Variants in PHF1 observed in about 807,000 individuals in gnomAD.
PHF1 encodes the protein PHD finger protein 1.
A neutral mutation model predicts 69.4 loss-of-function variants in PHF1; 16 were observed. The ratio of observed to expected loss-of-function variants is 0.23; its 90% CI spans 0.16 to 0.35. PHF1 has a LOEUF of 0.35. Ranked by LOEUF, PHF1 falls within the 10% of genes least tolerant of loss-of-function variation. The probability of loss-of-function intolerance (pLI) is 1.00; values close to 1 mark genes in which losing one functional copy is unlikely to be tolerated. For missense variants in PHF1, 515 were observed against 732.8 expected (o/e 0.70, Z 3.43); for synonymous variants, 274 against 275.0 (o/e 1.00, Z 0.04).
chr6:33,413,339 T>A, intron 5 of PHF1, 43 bp downstream of exon 5: 1 of 1,610,800 alleles, frequency 6.2e-7, no homozygotes, highest in South Asian at 1.1e-5. Flanking sequence ...GAGCCTCCCA[T>A]CCACAGCCTC....
chr6:33,411,311 G>C (rs892625226), intron 1 of PHF1, 96 bp downstream of exon 1: 16 of 152,216 alleles, frequency 1.1e-4, no homozygotes, highest in African/African-American at 3.9e-4. Flanking sequence ...CCTCGGGTCC[G>C]GGCTGGGCCG....
chr6:33,416,161 A>T lies in PHF1; in HGVS notation c.*63A>T. 1 of 1,368,006 alleles carries T rather than the reference A, an allele frequency of 7.3e-7. No homozygotes were observed. The highest frequency in any genetic ancestry group is 9.8e-7 in the Non-Finnish European group (1 of 1,018,102). 84.7% of individuals were successfully genotyped at this position (1,368,006 alleles called of 1,614,324 possible). A position where few individuals can be genotyped will look rare whatever the true frequency, so the allele number is the denominator to read the frequency against. Reference sequence around the variant, plus strand: ...CGGCACTTTCATACCCTGACCTCTGACCTCACCTACAGCTGGGATGTACCT... The same window carrying T: ...CGGCACTTTCATACCCTGACCTCTGTCCTCACCTACAGCTGGGATGTACCT... On this transcript the variant is annotated 3_prime_UTR_variant, in exon 15 of 15. Transcript: ENST00000374516.
In PHF1 at chr6:33,416,105, TGCCTCTGCCCA is replaced by T. The variant is rs749240796; in HGVS notation, c.*10_*20del. ...AGGAGGGGGCATCTTCTGAACAGCC[TGCCTCTGCCCA>T]GCTCCCCATTCACACACACCGGCAC... On this transcript the variant is annotated 3_prime_UTR_variant, in exon 15 of 15. Coordinates refer to ENST00000374516, the MANE Select transcript of PHF1 (RefSeq NM_024165.3). 9 of 1,527,526 alleles carry T rather than the reference TGCCTCTGCCCA, an allele frequency of 5.9e-6. No homozygotes were observed. Among genetic ancestry groups the T allele is most frequent in the Non-Finnish European group, 5.3e-6 (6 of 1,138,822 alleles). The allele number at this position is 1,527,526 out of a possible 1,614,324, so 94.6% of individuals were successfully genotyped here.
rs532869059 is a variant in PHF1, at chr6:33,412,052, C to T, written c.-16-196C>T. 6.6e-6 allele frequency among the ~76,000 whole-genome samples: 1 copy of T among 151,974 alleles called. No individual in the cohort carries two copies. The highest frequency in any genetic ancestry group is 1.9e-4 in the East Asian group (1 of 5,166). On this transcript the variant is annotated intron_variant, in intron 1 of 14. Coordinates refer to ENST00000374516, the MANE Select transcript of PHF1 (RefSeq NM_024165.3). The surrounding 1 kb of genome is among the most constrained non-coding windows in gnomAD (Gnocchi z 4.2). ...TGGCATGCGCCTGTAATCCCACCTA[C>T]TTGGGAGACTGAGGCAGGAGAATTG...
chr6:33,414,698 C>T lies in PHF1; in HGVS notation c.945-27C>T. 6.3e-7 allele frequency: 1 copy of T among 1,586,676 alleles called. No individual in the cohort carries two copies. On this transcript the variant is annotated intron_variant, in intron 10 of 14. Coordinates refer to ENST00000374516, the MANE Select transcript of PHF1 (RefSeq NM_024165.3). This position sits in a 1 kb window ranked among gnomAD's most constrained non-coding sequence, Gnocchi z 5.0. ...AGGAACCGTTTTTTACAGCACTGAC[C>T]CTATATCATTTCTCTTCTTGCCCCA...
Position 33,411,122 on chromosome 6 carries a change from C to G in PHF1, c.-110C>G, listed in dbSNP as rs1341038017. The G allele has an allele frequency of 6.6e-6, 1 of 152,158 alleles. No homozygotes were observed. The allele number at this position is 152,158 out of a possible 1,614,324, so 9.4% of individuals were successfully genotyped here. On this transcript the variant is annotated 5_prime_UTR_variant, in exon 1 of 15. Transcript: ENST00000374516. Reference sequence around the variant, plus strand: ...CCCCCCGGCCTCCGCCTGCACGCCCCCCCACGCCCGGACGTGCCCTCTCCG... The same window carrying G: ...CCCCCCGGCCTCCGCCTGCACGCCCGCCCACGCCCGGACGTGCCCTCTCCG...
In PHF1 at chr6:33,414,301, TTTGA is replaced by T; in HGVS notation, c.814_817del (p.Asp272LeufsTer104). On this transcript the variant is annotated frameshift_variant, in exon 9 of 15. Transcript: ENST00000374516. LOFTEE classifies it high-confidence loss of function. This position sits in a 1 kb window ranked among gnomAD's most constrained non-coding sequence, Gnocchi z 5.0. ...CAGTGTTTGCTGTAAGAAGAAATAC[TTTGA>T]TTTTGATCGTGAGATCCTCCCCTTC... is the stretch of plus-strand genomic sequence containing the variant. 1 of 1,614,186 alleles carries T rather than the reference TTTGA, an allele frequency of 6.2e-7. No individual in the cohort carries two copies. Among genetic ancestry groups the T allele is most frequent in the Non-Finnish European group, 8.5e-7 (1 of 1,180,040 alleles).
rs1341629544 is a variant in PHF1 at position 33,412,321 on chromosome 6, TCTC to T, written c.61_63del (p.Pro21del). 2.5e-6 allele frequency: 4 copies of T among 1,614,192 alleles called. No homozygotes were observed. The highest frequency in any genetic ancestry group is 1.3e-5 in the African/African-American group (1 of 75,054). The stretch of plus-strand genomic sequence containing the variant: ...TGCCTCCTCACTTTGGGACCCAGCT[TCTC>T]CTGCTCCCACCTCTGGCCCCAGGCC... On this transcript the variant is annotated inframe_deletion, in exon 2 of 15. Coordinates refer to ENST00000374516, the MANE Select transcript of PHF1 (RefSeq NM_024165.3). The surrounding 1 kb of genome is among the most constrained non-coding windows in gnomAD (Gnocchi z 4.2).
In PHF1 at chr6:33,414,446, C is replaced by T. The variant is rs762806808; in HGVS notation, c.877-31C>T. On this transcript the variant is annotated intron_variant, in intron 9 of 14. Coordinates refer to ENST00000374516, the MANE Select transcript of PHF1 (RefSeq NM_024165.3). The surrounding 1 kb of genome is among the most constrained non-coding windows in gnomAD (Gnocchi z 5.0). Reference sequence around the variant, plus strand: ...AGGGGAAGAGAAGAAATCACTGCTCCCCTGGCCCCATTTTTCTTCATTTCT... The same window carrying T: ...AGGGGAAGAGAAGAAATCACTGCTCTCCTGGCCCCATTTTTCTTCATTTCT... 9 of 1,613,490 alleles carry T rather than the reference C, an allele frequency of 5.6e-6. No homozygotes were observed. The East Asian group carries it at 1.6e-4, about 28-fold the overall frequency.
intron 1 of PHF1, among the ~76,000 whole-genome samples, 151 bp downstream of exon 1, chr6:33,411,366 G>A (rs1363020744): frequency 6.6e-6 from 1 of 152,024 alleles, no homozygotes; most frequent in African/African-American, 2.4e-5. Context: ...AGTAGAGACC[G>A]GGACTGGGAC....
rs765997615 is a variant in PHF1 at position 33,414,854 on chromosome 6, G to A, written c.1049+25G>A. On this transcript the variant is annotated intron_variant, in intron 11 of 14. Transcript: ENST00000374516. This position sits in a 1 kb window ranked among gnomAD's most constrained non-coding sequence, Gnocchi z 5.0. ...GGTCACTGGTCCAGGGGGGATGGGG[G>A]AAATTCTCAGGGTGTTAGTCCTGGG... 1.3e-5 allele frequency: 21 copies of A among 1,597,614 alleles called. No homozygotes were observed. In the Middle Eastern group the frequency reaches 6.7e-4, roughly 51 times the overall value.
At position 33,414,791 on chromosome 6, in the gene PHF1, C is replaced by T; in HGVS notation, c.1011C>T (p.Pro337=). The T allele has an allele frequency of 6.2e-7, 1 of 1,613,894 alleles. No homozygotes were observed. Among genetic ancestry groups the T allele is most frequent in the Non-Finnish European group, 8.5e-7 (1 of 1,179,900 alleles). ...TTGGTCTCCATGCTCGGATGCCTCC[C>T]CCTGTGGAGCCCCCTACTGGAGATG... ...CLFGLHARMP[P]PVEPPTGDGA... The change falls in exon 11 of 15, where the codon CCC becomes CCT. Residue 337 remains proline (P), a synonymous_variant. Transcript: ENST00000374516. The surrounding 1 kb of genome is among the most constrained non-coding windows in gnomAD (Gnocchi z 5.0).
At chr6:33,413,952 C>T (rs1233904170) in intron 7 of PHF1, 89 bp from the exon 8 acceptor site, 4 of 1,561,754 alleles carry the variant, frequency 2.6e-6, no homozygotes, top group Non-Finnish European at 3.5e-6. Context: ...GTTACCTCAC[C>T]TGTTTGCCCC....
Position 33,413,403 on chromosome 6 carries a change from C to T in PHF1, c.439-6C>T, listed in dbSNP as rs201089147. On this transcript the variant is annotated splice_region_variant and splice_polypyrimidine_tract_variant and intron_variant, in intron 5 of 14. Transcript: ENST00000374516. ...CTGAAGCCACCCACCTGTCCTGTCTCTGCAGAGGGGAGGTGCCCTGAAGAA... is the reference window on the plus strand; with the variant it reads ...CTGAAGCCACCCACCTGTCCTGTCTTTGCAGAGGGGAGGTGCCCTGAAGAA... The T allele has an allele frequency of 1.2e-6, 2 of 1,614,028 alleles. No homozygotes were observed. Among genetic ancestry groups the T allele is most frequent in the East Asian group, 2.2e-5 (1 of 44,896 alleles).
At chr6:33,413,710 G>A in intron 6 of PHF1, 26 bp from the exon 7 acceptor site, 1 of 1,608,786 alleles carries the variant, frequency 6.2e-7, no homozygotes, top group Non-Finnish European at 8.5e-7. Flanking sequence ...GTTTCTGGAG[G>A]CCAGAAGTCC....
At chr6:33,415,185 T>C in intron 12 of PHF1, 41 bp downstream of exon 12, 1 of 1,613,094 alleles carries the variant, frequency 6.2e-7, no homozygotes, top group South Asian at 1.1e-5. Context: ...AATGGTGGGG[T>C]GTGGGAAGGA....
chr6:33,416,029 T>A lies in PHF1; in HGVS notation c.1635T>A (p.Leu545=). 1 of 1,611,986 alleles carries A rather than the reference T, an allele frequency of 6.2e-7. No homozygotes were observed. Among genetic ancestry groups the A allele is most frequent in the East Asian group, 2.2e-5 (1 of 44,846 alleles). The stretch of plus-strand genomic sequence containing the variant: ...CCCGAGGGGACCCTGTCCGGGTCCT[T>A]GCTCGGAGAGTACGGCCTGATGGCT... ...YLSRGDPVRV[L]ARRVRPDGSV... The change falls in exon 15 of 15, where the codon CTT becomes CTA. Residue 545 remains leucine, a synonymous_variant. Coordinates refer to ENST00000374516, the MANE Select transcript of PHF1 (RefSeq NM_024165.3).
In PHF1 at chr6:33,415,580, C is replaced by T; in HGVS notation, c.1335-10C>T. On this transcript the variant is annotated splice_polypyrimidine_tract_variant and intron_variant, in intron 13 of 14. Transcript: ENST00000374516. ...GCTTCAGGTCCTGACTTTCCCCACT[C>T]CAACCCCAGCAGCCCCATCCGGATG... The T allele has an allele frequency of 1.2e-6, 2 of 1,613,918 alleles. No homozygotes were observed. Among genetic ancestry groups the T allele is most frequent in the South Asian group, 1.1e-5 (1 of 91,082 alleles).
In PHF1 at chr6:33,415,805, C is replaced by T; in HGVS notation, c.1416-5C>T. ...CCATTTCTTACAATTGCCTTCTCTC[C>T]CTAGGTCACCCCTGGAACTTCACAT... On this transcript the variant is annotated splice_polypyrimidine_tract_variant and splice_region_variant and intron_variant, in intron 14 of 14. Coordinates refer to ENST00000374516, the MANE Select transcript of PHF1 (RefSeq NM_024165.3). The T allele has an allele frequency of 1.3e-6, 2 of 1,596,608 alleles. No individual in the cohort carries two copies. The highest frequency in any genetic ancestry group is 2.2e-5 in the South Asian group (2 of 89,672).
Sources: gnomAD v4.1 joint callset for allele counts (sites outside exome capture counted in the v4.1 genomes callset) on GRCh38, gnomAD v4.1.1 for gene constraint, Gnocchi (gnomAD v3.1) non-coding constraint, MANE v1.5 for transcripts, NCBI Gene and HGNC (gene_info 2026-07-23, HGNC 2026-07-21) for gene names.